ERAP1: variants seen among roughly 807,000 people sequenced by gnomAD.
ERAP1 encodes endoplasmic reticulum aminopeptidase 1.
Under a neutral mutation model 103.7 loss-of-function variants are expected in ERAP1, and 86 were observed. The observed-to-expected ratio is 0.83, with a 90% CI of 0.70 to 0.99. The LOEUF (loss-of-function observed/expected upper bound fraction) is 0.99, where lower values mean the gene tolerates loss of function less well. ERAP1 is among the 50% of genes least tolerant of loss of function. The probability of loss-of-function intolerance (pLI) is 0.00; values close to 1 mark genes in which losing one functional copy is unlikely to be tolerated. For synonymous variants in ERAP1, 398 were observed against 402.4 expected (o/e 0.99, Z 0.13); for missense variants, 1,009 against 1,128.4 (o/e 0.89, Z 1.52).
chr5:96,778,669 G>C (rs1774707121), intron 18 of ERAP1, among the ~76,000 whole-genome samples: 1 of 152,196 alleles, frequency 6.6e-6, no homozygotes, highest in Non-Finnish European at 1.5e-5. Flanking sequence ...GCCAGGGTCA[G>C]TTATGGGCTG....
chr5:96,769,198 T>G (rs1296982982), intron 19 of ERAP1: 9 of 152,244 alleles, frequency 5.9e-5, no homozygotes, highest in African/African-American at 1.7e-4. Context: ...TCTCGATCAC[T>G]GAATTGTCAG....
At chr5:96,834,280 T>G in the ERAP1 span, among the ~76,000 whole-genome samples, 1 of 152,242 alleles carries the variant, frequency 6.6e-6, no homozygotes, top group Non-Finnish European at 1.5e-5. Context: ...TCTCAACTCA[T>G]GAGTCTGCAT....
chr5:96,887,300 C>T, the ERAP1 span, among the ~76,000 whole-genome samples: 3 of 131,176 alleles, frequency 2.3e-5, no homozygotes, highest in South Asian at 2.6e-4. Flanking sequence ...ATGTTGTTTC[C>T]GACTTTTTTT....
At chr5:96,816,829 T>C in the ERAP1 span, among the ~76,000 whole-genome samples, 1 of 152,170 alleles carries the variant, frequency 6.6e-6, no homozygotes, top group Non-Finnish European at 1.5e-5. Flanking sequence ...GCTTTCCTTT[T>C]GCTTAATAAA....
At chr5:96,826,414 T>C in the ERAP1 span, among the ~76,000 whole-genome samples, 1 of 152,248 alleles carries the variant, frequency 6.6e-6, no homozygotes, top group African/African-American at 2.4e-5. Flanking sequence ...GTCTATTTAC[T>C]AGACTGGCCA....
chr5:96,896,265 T>C, the ERAP1 span: 1 of 840,440 alleles, frequency 1.2e-6, no homozygotes, highest in East Asian at 2.8e-5. Flanking sequence ...CCAAGAAATA[T>C]CGATTGAAAT....
chr5:96,922,280 A>G, the ERAP1 span, among the ~76,000 whole-genome samples: 18 of 152,234 alleles, frequency 1.2e-4, no homozygotes, highest in Admixed American at 3.9e-4. Flanking sequence ...CCTGGGCGAC[A>G]GAGAGAGACT....
At chr5:96,874,182 G>GAAAGAA in the ERAP1 span, among the ~76,000 whole-genome samples, 26 of 147,120 alleles carry the variant, frequency 1.8e-4, no homozygotes, top group African/African-American at 3.5e-4. Context: ...AAGAAAGAAA[G>GAAAGAA]AGAGAGAGAA....
the ERAP1 span, among the ~76,000 whole-genome samples, chr5:96,889,704 G>A: frequency 6.6e-6 from 1 of 152,132 alleles, no homozygotes; most frequent in Non-Finnish European, 1.5e-5. Flanking sequence ...GTGGCTCCCT[G>A]TGGCGGACAT....
the ERAP1 span, among the ~76,000 whole-genome samples, chr5:96,858,099 C>T: frequency 5.3e-5 from 8 of 152,288 alleles, no homozygotes; most frequent in Admixed American, 5.2e-4. Context: ...ATTCTACCAG[C>T]ATGGTTTTGC....
the ERAP1 span, chr5:96,900,312 G>A: frequency 7.2e-6 from 10 of 1,395,912 alleles, no homozygotes; most frequent in East Asian, 2.4e-5. Flanking sequence ...GAGCCCCCAC[G>A]ATTTTCTCTA....
In ERAP1 at chr5:96,766,290, G is replaced by A. The variant is rs949841974; in HGVS notation, c.2819-3062C>T. ...CTGCTTCTAATGTGTCACCAAAGCC[G>A]ACCAGCAGGTAAATATTTATTTGAG... On this transcript the variant is annotated intron_variant, in intron 19 of 19. Coordinates refer to the ERAP1 transcript ENST00000296754. 3.2e-5 allele frequency: 18 copies of A among 557,750 alleles called. No homozygotes were observed. The East Asian group carries it at 4.4e-4, about 14-fold the overall frequency. The allele number at this position is 557,750 out of a possible 1,614,324, so 34.6% of individuals were successfully genotyped here. A position where few individuals can be genotyped will look rare whatever the true frequency, so the allele number is the denominator to read the frequency against.
At chr5:96,886,882 T>G in the ERAP1 span, 1 of 1,166,528 alleles carries the variant, frequency 8.6e-7, no homozygotes, top group Non-Finnish European at 1.1e-6. Flanking sequence ...GTTATCAAAG[T>G]ATTATGTTTA....
the ERAP1 span, chr5:96,879,460 G>A: frequency 2.2e-6 from 1 of 462,188 alleles, no homozygotes; most frequent in East Asian, 3.3e-5. Flanking sequence ...TTCTGACAGA[G>A]AGCAGATTTT....
chr5:96,909,178 G>C, the ERAP1 span: 1 of 1,547,016 alleles, frequency 6.5e-7, no homozygotes, highest in Non-Finnish European at 8.9e-7. Context: ...TATCAGTCAG[G>C]CTCAGTTTGT....
At chr5:96,770,275 G>A, downstream of ERAP1, 1 of 455,910 alleles carries the variant, frequency 2.2e-6, no homozygotes. Flanking sequence ...TAAGGTCTGG[G>A]TGAGTCAGGC....
chr5:96,789,057 GCAAGGTGGAAA>G (rs1184297195), intron 10 of ERAP1, among the ~76,000 whole-genome samples: 4 of 152,158 alleles, frequency 2.6e-5, no homozygotes, highest in African/African-American at 9.7e-5. Context: ...TTTTGGACAA[GCAAGGTGGAAA>G]CAATGTTCAG....
the ERAP1 span, among the ~76,000 whole-genome samples, chr5:96,930,324 C>G: frequency 6.6e-6 from 1 of 152,210 alleles, no homozygotes; most frequent in Non-Finnish European, 1.5e-5. Flanking sequence ...GGACTGAAAA[C>G]TCCACCCTCG....
chr5:96,840,999 C>T, the ERAP1 span, among the ~76,000 whole-genome samples: 3 of 151,974 alleles, frequency 2.0e-5, no homozygotes, highest in Admixed American at 1.3e-4. Flanking sequence ...CCACTGCGCC[C>T]GGCCAGGCAT....
Sources: allele counts gnomAD v4.1 joint callset (sites outside exome capture counted in the v4.1 genomes callset), GRCh38; gene constraint gnomAD v4.1.1; transcripts MANE v1.5; gene names NCBI Gene and HGNC (gene_info 2026-07-23, HGNC 2026-07-21).